PKP2: variants seen among roughly 807,000 people sequenced by gnomAD.
PKP2 encodes the protein plakophilin 2.
Under a neutral mutation model 83.4 loss-of-function variants are expected in PKP2, and 73 were observed. The ratio of observed to expected loss-of-function variants is 0.88; its 90% CI spans 0.72 to 1.06. The LOEUF is 1.06. Ranked by LOEUF, PKP2 falls within the 50% of genes least tolerant of loss-of-function variation. The pLI is 0.00. For synonymous variants in PKP2, 409 were observed against 430.4 expected, an observed-to-expected ratio of 0.95 and a Z score of 0.62; for missense variants, 966 against 1,065.4, an observed-to-expected ratio of 0.91 and a Z score of 1.30.
At chr12:32,870,501 A>C (rs1356466887) in intron 3 of PKP2, among the ~76,000 whole-genome samples, 1 of 149,826 alleles carries the variant, frequency 6.7e-6, no homozygotes, top group Non-Finnish European at 1.5e-5. Context: ...GTGCCTCATG[A>C]GTCAATTATA....
chr12:32,839,784 C>T (rs1214765492), intron 6 of PKP2, among the ~76,000 whole-genome samples: 1 of 152,162 alleles, frequency 6.6e-6, no homozygotes, highest in Non-Finnish European at 1.5e-5. Flanking sequence ...TATGTTTAAG[C>T]AGGTGAGCGA....
At chr12:32,821,176 C>G in intron 9 of PKP2, 180 bp downstream of exon 9, 1 of 621,670 alleles carries the variant, frequency 1.6e-6, no homozygotes, top group Non-Finnish European at 2.9e-6. Flanking sequence ...ACTTGTCAGT[C>G]AAGCAGCCTG....
At position 32,792,669 on chromosome 12, in the gene PKP2, G is replaced by C; in HGVS notation, c.2420C>G (p.Thr807Arg). 2 of 1,613,916 alleles carry C rather than the reference G, an allele frequency of 1.2e-6. No homozygotes were observed. Among genetic ancestry groups the C allele is most frequent in the Non-Finnish European group, 1.7e-6 (2 of 1,179,836 alleles). The change falls in exon 12 of 13, where the codon ACG becomes AGG. Residue 807 changes from threonine (T) to arginine (R), a missense_variant. Coordinates refer to ENST00000340811, the MANE Select transcript of PKP2 (RefSeq NM_001005242.3). Reference sequence around the variant, plus strand: ...CTTCTTGTAGGCATGATGCAGTTCCGTGTGTGCCCACAGAGAATACAGAAG... The same window carrying C: ...CTTCTTGTAGGCATGATGCAGTTCCCTGTGTGCCCACAGAGAATACAGAAG... The part of the protein sequence containing the change: ...SVLLYSLWAH[T>R]ELHHAYKKAQ...
intron 9 of PKP2, among the ~76,000 whole-genome samples, chr12:32,817,597 GTTATTAA>G (rs1320365326): frequency 6.6e-6 from 1 of 152,134 alleles, no homozygotes; most frequent in Non-Finnish European, 1.5e-5. Context: ...GATAGCATAA[GTTATTAA>G]TTTAGTCAAT....
At chr12:32,843,706 T>C (rs1956621959) in intron 5 of PKP2, among the ~76,000 whole-genome samples, 2 of 152,204 alleles carry the variant, frequency 1.3e-5, no homozygotes, top group African/African-American at 4.8e-5. Context: ...TAAGGAGCAG[T>C]GTCCCTCAGC....
At chr12:32,877,794 G>A in intron 3 of PKP2, 52 bp downstream of exon 3, 1 of 1,311,888 alleles carries the variant, frequency 7.6e-7, no homozygotes, top group Non-Finnish European at 1.1e-6. Context: ...CAGGGCTGTG[G>A]GAACAGAATG....
chr12:32,849,941 A>C (rs962669235), intron 5 of PKP2, among the ~76,000 whole-genome samples: 1 of 152,250 alleles, frequency 6.6e-6, no homozygotes, highest in Non-Finnish European at 1.5e-5. Flanking sequence ...ACACTGGAAA[A>C]CTATGTGACA....
At chr12:32,824,961 T>C (rs1956421581) in intron 6 of PKP2, among the ~76,000 whole-genome samples, 1 of 152,194 alleles carries the variant, frequency 6.6e-6, no homozygotes, top group Admixed American at 6.5e-5. Context: ...CTGGTATTAT[T>C]GTTACTACCT....
chr12:32,894,848 T>C (rs941149262), intron 1 of PKP2: 3 of 152,166 alleles, frequency 2.0e-5, no homozygotes, highest in African/African-American at 7.2e-5. Context: ...CATCCCGCAG[T>C]CTTTAGTCAG....
chr12:32,876,188 T>G lies in PKP2; in HGVS notation c.1034+1658A>C, dbSNP rs567778474. On this transcript the variant is annotated intron_variant, in intron 3 of 12. Coordinates refer to ENST00000340811, the MANE Select transcript of PKP2 (RefSeq NM_001005242.3). Reference sequence around the variant, plus strand: ...GTAATATAAGCAGTGCTTATATTACTCAATATAGTGTCTGCTTAGGATGTA... The same window carrying G: ...GTAATATAAGCAGTGCTTATATTACGCAATATAGTGTCTGCTTAGGATGTA... Among the ~76,000 whole-genome samples the G allele has an allele frequency of 2.0e-5, 3 of 152,244 alleles. No homozygotes were observed. The East Asian group carries it at 5.8e-4, about 29-fold the overall frequency.
chr12:32,841,456 AT>A (rs1956591653), intron 5 of PKP2, among the ~76,000 whole-genome samples: 2 of 152,222 alleles, frequency 1.3e-5, no homozygotes, highest in South Asian at 4.1e-4. Context: ...CTAATCAGAT[AT>A]ACAAATAAAG....
intron 10 of PKP2, among the ~76,000 whole-genome samples, chr12:32,800,204 T>C (rs868475709): frequency 2.6e-5 from 4 of 152,344 alleles, no homozygotes; most frequent in South Asian, 2.1e-4. Context: ...TCTGTGTTCA[T>C]GTGGCATCTT....
chr12:32,832,267 A>G (rs935833002), intron 6 of PKP2, among the ~76,000 whole-genome samples: 2 of 152,062 alleles, frequency 1.3e-5, no homozygotes. Flanking sequence ...AGTCCCAGCT[A>G]CTCAGGAGGC....
chr12:32,825,416 C>T (rs750711355), intron 6 of PKP2, among the ~76,000 whole-genome samples: 84 of 152,128 alleles, frequency 5.5e-4, no homozygotes, highest in Non-Finnish European at 9.7e-4. Context: ...TGTGAACCGC[C>T]CGCCTTGGCC....
chr12:32,842,408 A>C (rs1380559921), intron 5 of PKP2, among the ~76,000 whole-genome samples: 2 of 151,708 alleles, frequency 1.3e-5, no homozygotes, highest in African/African-American at 4.8e-5. Context: ...ATGCCTGACT[A>C]ATTTTTGTAT....
At chr12:32,881,882 G>C (rs1364334463) in intron 1 of PKP2, among the ~76,000 whole-genome samples, 1 of 152,164 alleles carries the variant, frequency 6.6e-6, no homozygotes, top group Non-Finnish European at 1.5e-5. Context: ...CTCCTCCCCA[G>C]GCCACTAGGG....
At chr12:32,825,367 C>T (rs140734362) in intron 6 of PKP2, among the ~76,000 whole-genome samples, 2,397 of 152,050 alleles carry the variant, frequency 0.016, 71 homozygotes, top group African/African-American at 0.055. Context: ...CGGGGTTTCA[C>T]CATGTTGGTT....
intron 11 of PKP2, 100 bp downstream of exon 11, chr12:32,796,009 G>A: frequency 9.5e-7 from 1 of 1,055,386 alleles, no homozygotes; most frequent in South Asian, 1.3e-5. Context: ...CTGCCATGTT[G>A]CACATGATGG....
chr12:32,792,843 C>T, intron 11 of PKP2, 112 bp from the exon 12 acceptor site: 1 of 814,974 alleles, frequency 1.2e-6, no homozygotes, highest in Non-Finnish European at 2.2e-6. Flanking sequence ...CCGCAGCAGC[C>T]ATCCATGAAG....
Sources: allele counts gnomAD v4.1 joint callset (sites outside exome capture counted in the v4.1 genomes callset), GRCh38; gene constraint gnomAD v4.1.1; transcripts MANE v1.5; gene names NCBI Gene and HGNC (gene_info 2026-07-23, HGNC 2026-07-21).